The following ADCY5 variants were observed in gnomAD, a reference collection of about 807,000 sequenced individuals.
ADCY5 encodes adenylate cyclase 5, also known as adenylate cyclase type 5.
Under a neutral mutation model 119.7 loss-of-function variants are expected in ADCY5, and 30 were observed. That is an observed-to-expected ratio of 0.25 (90% confidence interval 0.19 to 0.34). ADCY5 has a LOEUF of 0.34. Among genes scored for constraint, ADCY5 ranks in the 10% least tolerant of loss-of-function variants. The pLI, the probability that ADCY5 is intolerant of heterozygous loss-of-function variation, is 1.00. For missense variants in ADCY5, 1,324 were observed against 1,775.2 expected, an observed-to-expected ratio of 0.75 and a Z score of 4.57; for synonymous variants, 753 against 762.2, an observed-to-expected ratio of 0.99 and a Z score of 0.20.
chr3:123,315,583 C>G (rs988417022), intron 11 of ADCY5, among the ~76,000 whole-genome samples: 1 of 149,470 alleles, frequency 6.7e-6, no homozygotes, highest in Non-Finnish European at 1.5e-5. Flanking sequence ...CCAGATTGCT[C>G]TTTTTTTTTT....
intron 1 of ADCY5, among the ~76,000 whole-genome samples, chr3:123,397,479 G>T (rs1260917013): frequency 2.0e-5 from 3 of 152,192 alleles, no homozygotes; most frequent in African/African-American, 7.2e-5. Context: ...TCTACAAAAA[G>T]TTTTAAAATT....
At chr3:123,308,494 A>G (rs570905081) in intron 12 of ADCY5, among the ~76,000 whole-genome samples, 2 of 152,264 alleles carry the variant, frequency 1.3e-5, no homozygotes, top group African/African-American at 4.8e-5. Context: ...GTTCATCTGT[A>G]TGTCAGCCCT....
chr3:123,414,171 C>T (rs1188578245), intron 1 of ADCY5, among the ~76,000 whole-genome samples: 1 of 152,064 alleles, frequency 6.6e-6, no homozygotes, highest in Non-Finnish European at 1.5e-5. Flanking sequence ...GACCTGCCAC[C>T]ACTCCTCAGT....
chr3:123,422,839 G>C (rs1372921726), intron 1 of ADCY5, among the ~76,000 whole-genome samples: 1 of 152,252 alleles, frequency 6.6e-6, no homozygotes, highest in Non-Finnish European at 1.5e-5. Context: ...AGGGGAGGGG[G>C]CAAGCATGCC....
chr3:123,442,854 A>G (rs1052857363), intron 1 of ADCY5, among the ~76,000 whole-genome samples: 2 of 152,158 alleles, frequency 1.3e-5, no homozygotes, highest in Non-Finnish European at 2.9e-5. Flanking sequence ...ATAAGTAAAT[A>G]TAATCGGCAA....
intron 1 of ADCY5, among the ~76,000 whole-genome samples, chr3:123,426,940 T>C (rs938596466): frequency 6.6e-6 from 1 of 152,150 alleles, no homozygotes; most frequent in African/African-American, 2.4e-5. Context: ...GAGGCTGTCA[T>C]GGGATATTTA....
chr3:123,348,928 C>T (rs529567086), intron 2 of ADCY5, among the ~76,000 whole-genome samples: 99 of 152,288 alleles, frequency 6.5e-4, no homozygotes, highest in Middle Eastern at 6.8e-3. Context: ...TCCTGAGATT[C>T]TTCTGCTTCT....
chr3:123,419,022 A>C lies in ADCY5; in HGVS notation c.1134+28390T>G, dbSNP rs546669802. On this transcript the variant is annotated intron_variant, in intron 1 of 20. Coordinates refer to ENST00000462833, the MANE Select transcript of ADCY5 (RefSeq NM_183357.3). Reference sequence around the variant, plus strand: ...TGGCTTTTCTGGTCCTCCAGCTTACAGACAACAGCTCATGGGTCTTCTCAG... The same window carrying C: ...TGGCTTTTCTGGTCCTCCAGCTTACCGACAACAGCTCATGGGTCTTCTCAG... 1.1e-4 allele frequency: 54 copies of C among 509,286 alleles called. No individual in the cohort carries two copies. In the South Asian group the frequency reaches 3.9e-3, roughly 36 times the overall value. 31.5% of individuals were successfully genotyped at this position (509,286 alleles called of 1,614,324 possible).
chr3:123,420,781 C>A (rs766998639), intron 1 of ADCY5, among the ~76,000 whole-genome samples: 1 of 152,190 alleles, frequency 6.6e-6, no homozygotes, highest in Non-Finnish European at 1.5e-5. Flanking sequence ...GCATAAACAA[C>A]GGAAATCTAT....
chr3:123,411,926 G>A (rs1945060897), intron 1 of ADCY5, among the ~76,000 whole-genome samples: 1 of 152,148 alleles, frequency 6.6e-6, no homozygotes, highest in African/African-American at 2.4e-5. Flanking sequence ...CATCCCCGCA[G>A]CCTGTGGGCC....
At chr3:123,304,529 T>G (rs191658082) in intron 12 of ADCY5, among the ~76,000 whole-genome samples, 2 of 151,656 alleles carry the variant, frequency 1.3e-5, no homozygotes, top group African/African-American at 2.4e-5. Context: ...GGAGGGGCGG[T>G]GGGTGGCAGC....
intron 3 of ADCY5, among the ~76,000 whole-genome samples, chr3:123,333,938 G>T (rs181472886): frequency 1.3e-5 from 2 of 152,112 alleles, no homozygotes; most frequent in African/African-American, 4.8e-5. Context: ...GCCCGTCAGC[G>T]TCCCTGGAAG....
intron 3 of ADCY5, among the ~76,000 whole-genome samples, chr3:123,338,474 T>A (rs1942124675): frequency 6.6e-6 from 1 of 152,214 alleles, no homozygotes; most frequent in Admixed American, 6.5e-5. Flanking sequence ...AGACTGTCTG[T>A]TCTGCTGGCC....
At chr3:123,284,774 T>C in intron 20 of ADCY5, 38 bp from the exon 21 acceptor site, 1 of 1,613,426 alleles carries the variant, frequency 6.2e-7, no homozygotes, top group Non-Finnish European at 8.5e-7. Context: ...AAGCCACTGA[T>C]GGCCTTGGCC....
intron 3 of ADCY5, among the ~76,000 whole-genome samples, chr3:123,346,441 A>T (rs1942554841): frequency 6.6e-6 from 1 of 152,204 alleles, no homozygotes; most frequent in African/African-American, 2.4e-5. Flanking sequence ...TTATGCAGAT[A>T]CATGTCTCTC....
At chr3:123,376,072 G>A (rs539201132) in intron 1 of ADCY5, among the ~76,000 whole-genome samples, 8 of 152,056 alleles carry the variant, frequency 5.3e-5, no homozygotes, top group East Asian at 3.9e-4. Context: ...AAGGCTGCCC[G>A]GGTGCAAGGG....
chr3:123,411,675 T>C lies in ADCY5; in HGVS notation c.1134+35737A>G, dbSNP rs79508823. ...ACCCCCAATCCAACCCCAGGACTCGTTCCAGAGGCAAAGCAGGGTGGGGCA... is the reference window on the plus strand; with the variant it reads ...ACCCCCAATCCAACCCCAGGACTCGCTCCAGAGGCAAAGCAGGGTGGGGCA... On this transcript the variant is annotated intron_variant, in intron 1 of 20. Transcript: ENST00000462833. 1.5e-3 allele frequency among the ~76,000 whole-genome samples: 236 copies of C among 152,268 alleles called. No homozygotes were observed. The East Asian group carries it at 0.027, about 18-fold the overall frequency.
intron 3 of ADCY5, among the ~76,000 whole-genome samples, chr3:123,346,607 T>TTCTCTCTCTCTCTC (rs72299981): frequency 0.028 from 3,584 of 127,600 alleles, 72 homozygotes; most frequent in East Asian, 0.07. Context: ...CAGCCTCACC[T>TTCTCTCTCTCTCTC]TCTCTCTCTC....
At chr3:123,335,913 A>G (rs1234126848) in intron 3 of ADCY5, among the ~76,000 whole-genome samples, 1 of 152,202 alleles carries the variant, frequency 6.6e-6, no homozygotes, top group Non-Finnish European at 1.5e-5. Context: ...TCAGAGTGGG[A>G]GAAATGGGGA....
Sources: allele counts gnomAD v4.1 joint callset (sites outside exome capture counted in the v4.1 genomes callset), GRCh38; gene constraint gnomAD v4.1.1; transcripts MANE v1.5; gene names NCBI Gene and HGNC (gene_info 2026-07-23, HGNC 2026-07-21).